The following TMOD1 variants were observed in gnomAD, a reference collection of about 807,000 sequenced individuals.
The protein encoded by TMOD1 is tropomodulin-1.
TMOD1 carries 17 observed loss-of-function variants against 40.6 expected under a neutral mutation model. The ratio of observed to expected loss-of-function variants is 0.42; its 90% CI spans 0.29 to 0.63. The LOEUF (loss-of-function observed/expected upper bound fraction) is 0.63. Ranked by LOEUF, TMOD1 falls within the 20% of genes least tolerant of loss-of-function variation. The probability of loss-of-function intolerance (pLI) is 0.22; values close to 1 mark genes in which losing one functional copy is unlikely to be tolerated. For synonymous variants in TMOD1, 181 were observed against 175.0 expected, an observed-to-expected ratio of 1.03 and a Z score of -0.27; for missense variants, 391 against 447.6, an observed-to-expected ratio of 0.87 and a Z score of 1.14.
Position 97,513,543 on chromosome 9 carries a change from G to T in TMOD1, c.-48-10598G>T, listed in dbSNP as rs1829742374. ...CAGGGGTGGTGGATGAAGAGAGGAC[G>T]GGTGTGACATTATCCCAGGATCTCT... On this transcript the variant is annotated intron_variant, in intron 1 of 9. Transcript: ENST00000259365. This position sits in a 1 kb window ranked among gnomAD's most constrained non-coding sequence, Gnocchi z 4.1. 6.6e-6 allele frequency: 1 copy of T among 152,248 alleles called. No homozygotes were observed. The highest frequency in any genetic ancestry group is 1.5e-5 in the Non-Finnish European group (1 of 68,086). 9.4% of individuals were successfully genotyped at this position (152,248 alleles called of 1,614,324 possible). A position where few individuals can be genotyped will look rare whatever the true frequency, so the allele number is the denominator to read the frequency against.
At chr9:97,523,543 A>G (rs967336920) in intron 1 of TMOD1, among the ~76,000 whole-genome samples, 1 of 152,228 alleles carries the variant, frequency 6.6e-6, no homozygotes, top group Non-Finnish European at 1.5e-5. Context: ...GTCCTTCTCT[A>G]TAAAATGGGG....
intron 1 of TMOD1, among the ~76,000 whole-genome samples, chr9:97,503,231 A>G (rs1197969246): frequency 6.6e-6 from 1 of 151,850 alleles, no homozygotes; most frequent in Non-Finnish European, 1.5e-5. Flanking sequence ...AGCCTTTCCC[A>G]TCTCTTTCCG....
intron 1 of TMOD1, among the ~76,000 whole-genome samples, chr9:97,518,447 G>C (rs907092156): frequency 2.0e-5 from 3 of 152,228 alleles, no homozygotes; most frequent in Non-Finnish European, 4.4e-5. Flanking sequence ...TCTGTCACTT[G>C]GTTTGTGGGG....
rs150878749 is a variant in TMOD1 at position 97,579,961 on chromosome 9, T to C, written c.870+10924T>C. Among the ~76,000 whole-genome samples the C allele has an allele frequency of 2.9e-3, 448 of 152,274 alleles. 2 individuals carry two copies. The highest frequency in any genetic ancestry group is 8.6e-3 in the Admixed American group (131 of 15,298). On this transcript the variant is annotated intron_variant, in intron 8 of 9. Transcript: ENST00000259365. ...TTCCACATGGAGGCACATGAGCTTTTTGGAGTAGATCTCTGTCTGCACCAG... is the reference window on the plus strand; with the variant it reads ...TTCCACATGGAGGCACATGAGCTTTCTGGAGTAGATCTCTGTCTGCACCAG...
At chr9:97,559,769 AT>A (rs758174143) in intron 4 of TMOD1, among the ~76,000 whole-genome samples, 1,374 of 29,822 alleles carry the variant, frequency 0.046, 45 homozygotes, top group Middle Eastern at 0.076. Flanking sequence ...CGCCTCAAAA[AT>A]TTAAAAAAAA....
rs1392935092 is a variant in TMOD1 at position 97,553,270 on chromosome 9, T to C, written c.278-11T>C. 6.2e-7 allele frequency: 1 copy of C among 1,613,838 alleles called. No homozygotes were observed. The highest frequency in any genetic ancestry group is 1.1e-5 in the South Asian group (1 of 91,062). ...AGCCACTCCCGTAACAGGTCCCCTG[T>C]GTGTTTGCAGGAAAGGTCTGGGTTC... On this transcript the variant is annotated splice_polypyrimidine_tract_variant and intron_variant, in intron 3 of 9. Transcript: ENST00000259365.
chr9:97,559,962 T>G (rs1216358764), intron 4 of TMOD1, among the ~76,000 whole-genome samples: 3 of 150,620 alleles, frequency 2.0e-5, no homozygotes, highest in Non-Finnish European at 3.0e-5. Context: ...TGGTCTTGTC[T>G]CAAGCCCTCA....
intron 1 of TMOD1, among the ~76,000 whole-genome samples, chr9:97,522,592 C>T (rs918479527): frequency 6.6e-6 from 1 of 152,096 alleles, no homozygotes; most frequent in African/African-American, 2.4e-5. Context: ...GACTGGATCT[C>T]ACTCCGTCAC....
At chr9:97,540,353 T>A (rs760196423) in intron 2 of TMOD1, among the ~76,000 whole-genome samples, 6 of 152,216 alleles carry the variant, frequency 3.9e-5, no homozygotes, top group Non-Finnish European at 8.8e-5. Flanking sequence ...TCACGGTGAC[T>A]GGTTGGGGAA....
chr9:97,545,639 C>T (rs1830348672), intron 2 of TMOD1, among the ~76,000 whole-genome samples: 1 of 152,208 alleles, frequency 6.6e-6, no homozygotes, highest in African/African-American at 2.4e-5. Flanking sequence ...CTGCAGGGCA[C>T]TGCTCACCTC....
At chr9:97,535,102 A>G (rs1830160252) in intron 2 of TMOD1, among the ~76,000 whole-genome samples, 1 of 152,148 alleles carries the variant, frequency 6.6e-6, no homozygotes, top group African/African-American at 2.4e-5. Flanking sequence ...AAAGCTCTTC[A>G]TGCCTGGCTG....
At chr9:97,544,731 G>A (rs946335148) in intron 2 of TMOD1, among the ~76,000 whole-genome samples, 1 of 152,098 alleles carries the variant, frequency 6.6e-6, no homozygotes, top group Non-Finnish European at 1.5e-5. Context: ...TACAAAGATT[G>A]AAAGTGGGGC....
intron 8 of TMOD1, among the ~76,000 whole-genome samples, chr9:97,581,937 T>G (rs1050597979): frequency 5.4e-5 from 8 of 148,494 alleles, no homozygotes; most frequent in East Asian, 4.0e-4. Flanking sequence ...TTTCTCCCAT[T>G]TTGTAGGTTG....
intron 8 of TMOD1, among the ~76,000 whole-genome samples, chr9:97,588,108 C>T (rs752058420): frequency 4.1e-4 from 63 of 152,090 alleles, no homozygotes; most frequent in Admixed American, 1.3e-4. Context: ...ATTTATTTTC[C>T]ACCCAAGAGT....
chr9:97,546,334 A>T lies in TMOD1; in HGVS notation c.270A>T (p.Glu90Asp). 1 of 1,613,422 alleles carries T rather than the reference A, an allele frequency of 6.2e-7. No individual in the cohort carries two copies. The highest frequency in any genetic ancestry group is 8.5e-7 in the Non-Finnish European group (1 of 1,179,730). Residue 90 changes from glutamate (E) to aspartate (D), a missense_variant, in exon 3 of 10, where the codon GAA (glutamate) becomes GAT (aspartate). Transcript: ENST00000259365. ...AAGATCTGGTCCCCTACACAGGGGA[A>T]AAACGAGGTACTGAACAATGTTACT... ...DREDLVPYTG[E>D]KRGKVWVPKQ...
intron 7 of TMOD1, among the ~76,000 whole-genome samples, chr9:97,566,893 A>G (rs2131268606): frequency 6.6e-6 from 1 of 152,254 alleles, no homozygotes; most frequent in South Asian, 2.1e-4. Context: ...TGGGAATACA[A>G]TTGTGACCAG....
intron 2 of TMOD1, among the ~76,000 whole-genome samples, chr9:97,538,099 G>T (rs768823464): frequency 6.6e-6 from 1 of 152,164 alleles, no homozygotes; most frequent in East Asian, 1.9e-4. Context: ...GAGCTGGGTA[G>T]TGTGGAGGCA....
intron 1 of TMOD1, among the ~76,000 whole-genome samples, chr9:97,521,704 G>A (rs1257310530): frequency 6.6e-6 from 1 of 152,152 alleles, no homozygotes; most frequent in Non-Finnish European, 1.5e-5. Context: ...AGGCCAAGCT[G>A]AGCCATTCTG....
intron 8 of TMOD1, among the ~76,000 whole-genome samples, chr9:97,586,734 A>G (rs1289412237): frequency 6.6e-6 from 1 of 152,138 alleles, no homozygotes; most frequent in African/African-American, 2.4e-5. Flanking sequence ...CCCGTCGGAA[A>G]AGCGCAGTAT....
Sources: allele counts gnomAD v4.1 joint callset (sites outside exome capture counted in the v4.1 genomes callset), GRCh38; gene constraint gnomAD v4.1.1; non-coding constraint Gnocchi (gnomAD v3.1); transcripts MANE v1.5; gene names NCBI Gene and HGNC (gene_info 2026-07-23, HGNC 2026-07-21).